Variants in POMT1 observed in about 807,000 individuals in gnomAD.
The protein encoded by POMT1 is protein O-mannosyl-transferase 1.
Under a neutral mutation model 101.6 loss-of-function variants are expected in POMT1, and 85 were observed. That is an observed-to-expected ratio of 0.84 (90% confidence interval 0.70 to 1.00). The LOEUF (loss-of-function observed/expected upper bound fraction) is 1.00, where lower values mean the gene tolerates loss of function less well. POMT1 is among the 50% of genes least tolerant of loss of function. The probability of loss-of-function intolerance (pLI) is 0.00; values close to 1 mark genes in which losing one functional copy is unlikely to be tolerated. For missense variants in POMT1, 857 were observed against 930.4 expected (o/e 0.92, Z 1.03); for synonymous variants, 371 against 383.0 (o/e 0.97, Z 0.37).
At position 131,523,025 on chromosome 9, in the gene POMT1, C is replaced by A. The variant is rs138902646; in HGVS notation, c.2097C>A (p.Tyr699Ter). The change falls in exon 20 of 20, where the codon TAC (tyrosine) becomes TAA (stop). Residue 699 changes from tyrosine to a stop codon, truncating the protein, a stop_gained. Coordinates refer to ENST00000402686, the MANE Select transcript of POMT1 (RefSeq NM_001077365.2). LOFTEE classifies it high-confidence loss of function. ...HVSNTLRPLT[Y>*]GDKSLSPHEL... is the part of the protein sequence containing the mutation. The stretch of plus-strand genomic sequence containing the variant: ...CCAACACGCTGCGCCCACTCACCTA[C>A]GGGGACAAGTCACTCTCGCCACATG... 5.6e-6 allele frequency: 9 copies of A among 1,610,668 alleles called. No homozygotes were observed. The Admixed American group carries it at 8.3e-5, about 15-fold the overall frequency.
In POMT1 at chr9:131,522,305, G is replaced by A. The variant is rs1950099212; in HGVS notation, c.2003+81G>A. 6.3e-7 allele frequency: 1 copy of A among 1,592,482 alleles called. No individual in the cohort carries two copies. The highest frequency in any genetic ancestry group is 8.5e-7 in the Non-Finnish European group (1 of 1,174,340). On this transcript the variant is annotated intron_variant, in intron 19 of 19. Transcript: ENST00000402686. This position sits in a 1 kb window ranked among gnomAD's most constrained non-coding sequence, Gnocchi z 5.5. ...CCCATGCGCAGCAAACACATGGGGT[G>A]CAGCGAACCTCACCCATTTCACGTT... is the stretch of plus-strand genomic sequence containing the variant.
chr9:131,506,590 G>C (rs1191938095), intron 4 of POMT1, 137 bp downstream of exon 4: 8 of 821,788 alleles, frequency 9.7e-6, no homozygotes, highest in Admixed American at 7.8e-5. Context: ...TTATTAATCT[G>C]AGTCCAGAAA....
rs998382366 is a variant in POMT1 at position 131,503,732 on chromosome 9, G to A, written c.-30-457G>A. 6.6e-6 allele frequency among the ~76,000 whole-genome samples: 1 copy of A among 152,228 alleles called. No individual in the cohort carries two copies. The highest frequency in any genetic ancestry group is 6.5e-5 in the Admixed American group (1 of 15,286). ...GATAGAAGGCAGGGAGGCACTGGGG[G>A]CAGATGCATCCTTGAGGAGAGATGA... On this transcript the variant is annotated intron_variant, in intron 1 of 19. Transcript: ENST00000402686. The surrounding 1 kb of genome is among the most constrained non-coding windows in gnomAD (Gnocchi z 4.4).
Position 131,515,529 on chromosome 9 carries a change from A to G in POMT1, c.1272+7A>G, listed in dbSNP as rs1179976442. On this transcript the variant is annotated splice_region_variant and intron_variant, in intron 13 of 19. Coordinates refer to ENST00000402686, the MANE Select transcript of POMT1 (RefSeq NM_001077365.2). ...CCAGAACCTCTGGAGACTGGTGAGT[A>G]AGGCTGCGGCTATAGCAGCCACAAC... 4 of 1,613,292 alleles carry G rather than the reference A, an allele frequency of 2.5e-6. No individual in the cohort carries two copies. Among genetic ancestry groups the G allele is most frequent in the Non-Finnish European group, 3.4e-6 (4 of 1,179,380 alleles).
In POMT1 at chr9:131,516,192, G is replaced by C. The variant is rs542481404; in HGVS notation, c.1272+670G>C. On this transcript the variant is annotated intron_variant, in intron 13 of 19. Transcript: ENST00000402686. The stretch of plus-strand genomic sequence containing the variant: ...CACACGGAGCACTTCCTCTAACACA[G>C]GACACTTCCTCACACAGAGCACTTC... 1.4e-3 allele frequency among the ~76,000 whole-genome samples: 183 copies of C among 131,776 alleles called. 2 individuals are homozygous for C. The highest frequency in any genetic ancestry group is 5.2e-3 in the African/African-American group (178 of 34,382). 86.5% of individuals were successfully genotyped at this position (131,776 alleles called of 152,430 possible).
chr9:131,519,009 C>A lies in POMT1; in HGVS notation c.1486+52C>A. 1 of 1,610,120 alleles carries A rather than the reference C, an allele frequency of 6.2e-7. No individual in the cohort carries two copies. The highest frequency in any genetic ancestry group is 1.1e-5 in the South Asian group (1 of 90,934). ...CTCCTGGAATGTACTTTCAGCTGCT[C>A]AATATTTGATAACACCCCAGAGTTC... On this transcript the variant is annotated intron_variant, in intron 15 of 19. Coordinates refer to ENST00000402686, the MANE Select transcript of POMT1 (RefSeq NM_001077365.2). The surrounding 1 kb of genome is among the most constrained non-coding windows in gnomAD (Gnocchi z 4.3).
chr9:131,521,410 A>G lies in POMT1; in HGVS notation c.1763A>G (p.Tyr588Cys), dbSNP rs772131719. 1.4e-5 allele frequency: 22 copies of G among 1,614,130 alleles called. No individual in the cohort carries two copies. The highest frequency in any genetic ancestry group is 1.9e-5 in the Non-Finnish European group (22 of 1,180,010). ...TCGGGCAGCCTCGCTCTGGCCATCT[A>G]CGCCCTGCTGTCCTTGTGGTACCTG... The part of the protein sequence containing the change: ...WVSGSLALAI[Y>C]ALLSLWYLLR... Residue 588 changes from tyrosine (Y) to cysteine (C), a missense_variant, in exon 18 of 20, where the codon TAC becomes TGC. By Grantham distance (194) the Tyr-to-Cys change is radical. Transcript: ENST00000402686.
At chr9:131,511,028 G>A in intron 9 of POMT1, 1 of 316,120 alleles carries the variant, frequency 3.2e-6, no homozygotes, top group Non-Finnish European at 5.9e-6. Flanking sequence ...CCCTAGTCTT[G>A]GTTTTCTCAT....
chr9:131,522,365 GT>G lies in POMT1; in HGVS notation c.2003+142del. Reference sequence around the variant, plus strand: ...TCCTCCGGGTCCCTCCGGGGAATGGGTGAGGTTCAGAAGAGATGCCCAGATG... The same window carrying G: ...TCCTCCGGGTCCCTCCGGGGAATGGGGAGGTTCAGAAGAGATGCCCAGATG... On this transcript the variant is annotated intron_variant, in intron 19 of 19. Transcript: ENST00000402686. The surrounding 1 kb of genome is among the most constrained non-coding windows in gnomAD (Gnocchi z 5.5). 1.3e-6 allele frequency: 2 copies of G among 1,483,870 alleles called. No homozygotes were observed. Among genetic ancestry groups the G allele is most frequent in the South Asian group, 2.6e-5 (2 of 77,414 alleles). 91.9% of individuals were successfully genotyped at this position (1,483,870 alleles called of 1,614,324 possible).
chr9:131,521,494 C>CTT, intron 18 of POMT1, 22 bp downstream of exon 18: 1 of 1,612,038 alleles, frequency 6.2e-7, no homozygotes, highest in Non-Finnish European at 8.5e-7. Flanking sequence ...TCCCACATGG[C>CTT]TTTCTTTCTT....
In POMT1 at chr9:131,509,529, A is replaced by G. The variant is rs183010046; in HGVS notation, c.540-214A>G. Among the ~76,000 whole-genome samples the G allele has an allele frequency of 1.6e-3, 238 of 152,300 alleles. 1 individual carries two copies. The highest frequency in any genetic ancestry group is 5.5e-3 in the African/African-American group (227 of 41,554). ...TTCATAAATACATCTTCATTTTTCT[A>G]TAATTTAAACTAACAGGACAACATT... On this transcript the variant is annotated intron_variant, in intron 6 of 19. Transcript: ENST00000402686.
chr9:131,511,270 G>A lies in POMT1; in HGVS notation c.856-67G>A, dbSNP rs552682473. 5.3e-5 allele frequency: 81 copies of A among 1,516,308 alleles called. No homozygotes were observed. The East Asian group carries it at 1.6e-3, about 30-fold the overall frequency. The allele number at this position is 1,516,308 out of a possible 1,614,324, so 93.9% of individuals were successfully genotyped here. ...CACCCCAGAGGGAGGAGTGGCCATC[G>A]GGAAGGCTGGCTTAGGGTCATTTTT... On this transcript the variant is annotated intron_variant, in intron 9 of 19. Coordinates refer to ENST00000402686, the MANE Select transcript of POMT1 (RefSeq NM_001077365.2).
intron 13 of POMT1, among the ~76,000 whole-genome samples, chr9:131,516,154 ACACTCTCACACTCACACGGAG>A (rs1948494902): frequency 5.5e-5 from 1 of 18,072 alleles, no homozygotes. Context: ...CTAACACAGG[ACACTCTCACACTCACACGGAG>A]CACTTCCTCT....
intron 12 of POMT1, among the ~76,000 whole-genome samples, chr9:131,514,944 G>A (rs1947978412): frequency 1.3e-5 from 2 of 152,210 alleles, no homozygotes; most frequent in South Asian, 4.1e-4. Flanking sequence ...GTGACAGAGT[G>A]AGACTCCATC....
In POMT1 at chr9:131,515,333, C is replaced by T. The variant is rs189707925; in HGVS notation, c.1176-93C>T. On this transcript the variant is annotated intron_variant, in intron 12 of 19. Transcript: ENST00000402686. ...CCTTATGGCTGAGCCGGCTTTGTTT[C>T]TGAAAAGCAACCTTTTCCTGCCTGA... The T allele has an allele frequency of 2.3e-3, 3,116 of 1,350,746 alleles. 19 individuals are homozygous for T. Among genetic ancestry groups the T allele is most frequent in the South Asian group, 3.1e-3 (266 of 85,796 alleles). 83.7% of individuals were successfully genotyped at this position (1,350,746 alleles called of 1,614,324 possible).
intron 11 of POMT1, among the ~76,000 whole-genome samples, chr9:131,512,755 G>A (rs1189785405): frequency 6.6e-6 from 1 of 152,104 alleles, no homozygotes; most frequent in Non-Finnish European, 1.5e-5. Flanking sequence ...AAGATTACAG[G>A]CGCCCACCAC....
Position 131,513,280 on chromosome 9 carries a change from A to C in POMT1, c.1124A>C (p.His375Pro), listed in dbSNP as rs1947531805. The part of the protein sequence containing the change: ...VVSSPPRPVR[H>P]GDMVQLVHGM... ...AGCAGCCCTCCGAGACCTGTGAGGC[A>C]CGGGGACATGGTGCAGCTGGTCCAC... is the stretch of plus-strand genomic sequence containing the variant. Residue 375 changes from histidine (H) to proline (P), a missense_variant, in exon 12 of 20, where the codon CAC becomes CCC. His to Pro is a moderately conservative substitution (Grantham distance 77). Coordinates refer to ENST00000402686, the MANE Select transcript of POMT1 (RefSeq NM_001077365.2). 1 of 1,612,736 alleles carries C rather than the reference A, an allele frequency of 6.2e-7. No individual in the cohort carries two copies. The highest frequency in any genetic ancestry group is 8.5e-7 in the Non-Finnish European group (1 of 1,179,956).
At position 131,515,498 on chromosome 9, in the gene POMT1, G is replaced by T; in HGVS notation, c.1248G>T (p.Met416Ile). ...GCTACATTGACTATAACATCTCCAT[G>T]CCCGCCCAGAACCTCTGGAGACTGG... Reference protein sequence around the residue: ...VSCYIDYNISMPAQNLWRLEI... With the variant: ...VSCYIDYNISIPAQNLWRLEI... The change falls in exon 13 of 20, where the codon ATG becomes ATT. Residue 416 changes from methionine (M) to isoleucine (I), a missense_variant. Physicochemically the swap from Met to Ile is conservative, Grantham distance 10. Transcript: ENST00000402686. 1.2e-6 allele frequency: 2 copies of T among 1,614,170 alleles called. No individual in the cohort carries two copies. The highest frequency in any genetic ancestry group is 1.7e-6 in the Non-Finnish European group (2 of 1,180,022).
At chr9:131,510,975 CCAGTGCTGT>C in intron 9 of POMT1, 2 of 262,494 alleles carry the variant, frequency 7.6e-6, no homozygotes, top group South Asian at 5.0e-5. Context: ...CTGCCGACGG[CCAGTGCTGT>C]AGTGCTGTGT....
Sources: allele counts gnomAD v4.1 joint callset (sites outside exome capture counted in the v4.1 genomes callset), GRCh38; gene constraint gnomAD v4.1.1; non-coding constraint Gnocchi (gnomAD v3.1); transcripts MANE v1.5; gene names NCBI Gene and HGNC (gene_info 2026-07-23, HGNC 2026-07-21).